The following ADAMTS6 variants were observed in gnomAD, a reference collection of about 807,000 sequenced individuals.
ADAMTS6 encodes the protein ADAM metallopeptidase with thrombospondin type 1 motif 6.
Under a neutral mutation model 144.3 loss-of-function variants are expected in ADAMTS6, and 23 were observed. The ratio of observed to expected loss-of-function variants is 0.16; its 90% CI spans 0.11 to 0.23. The LOEUF is 0.23. ADAMTS6 is among the 10% of genes least tolerant of loss of function. ADAMTS6 has a pLI of 1.00. For synonymous variants in ADAMTS6, 444 were observed against 457.5 expected, an observed-to-expected ratio of 0.97 and a Z score of 0.38; for missense variants, 999 against 1,379.6, an observed-to-expected ratio of 0.72 and a Z score of 4.37.
At chr5:65,296,444 CT>C (rs1329545568) in intron 10 of ADAMTS6, among the ~76,000 whole-genome samples, 10 of 152,260 alleles carry the variant, frequency 6.6e-5, no homozygotes, top group African/African-American at 2.4e-4. Context: ...CCTTTTCCCC[CT>C]ATATGTAATT....
chr5:65,200,760 AG>A lies in ADAMTS6; in HGVS notation c.2576-3610del, dbSNP rs532824784. ...CAATCCTTCCTCCATGCTTAAAAAA[AG>A]TAATGGCTTCATATTACGAAAGTTA... On this transcript the variant is annotated intron_variant, in intron 20 of 24. Transcript: ENST00000381055. Among the ~76,000 whole-genome samples the A allele has an allele frequency of 4.3e-3, 651 of 152,310 alleles. 5 individuals carry two copies. Among genetic ancestry groups the A allele is most frequent in the African/African-American group, 0.015 (612 of 41,586 alleles).
rs1224489597 is a variant in ADAMTS6 at position 65,337,640 on chromosome 5, T to C, written c.1074-3555A>G. ...TATAACTCTCAGTCGTCTCCCATCTTATATTTAAATATCATTTTTAAATTT... is the reference window on the plus strand; with the variant it reads ...TATAACTCTCAGTCGTCTCCCATCTCATATTTAAATATCATTTTTAAATTT... On this transcript the variant is annotated intron_variant, in intron 7 of 24. Transcript: ENST00000381055. Among the ~76,000 whole-genome samples, 3 of 152,164 alleles carry C rather than the reference T, an allele frequency of 2.0e-5. 1 individual carries two copies.
intron 7 of ADAMTS6, among the ~76,000 whole-genome samples, chr5:65,337,809 G>T (rs1340100979): frequency 6.6e-6 from 1 of 151,982 alleles, no homozygotes; most frequent in Non-Finnish European, 1.5e-5. Flanking sequence ...TTTTCCTCCA[G>T]ATCCAAGCCA....
At chr5:65,238,085 CAAA>C in intron 15 of ADAMTS6, among the ~76,000 whole-genome samples, 1 of 135,044 alleles carries the variant, frequency 7.4e-6, no homozygotes, top group South Asian at 2.4e-4. Flanking sequence ...GACTCTCTCT[CAAA>C]AAAAAAAAAA....
intron 7 of ADAMTS6, among the ~76,000 whole-genome samples, chr5:65,356,136 C>T (rs1258111946): frequency 6.6e-6 from 1 of 151,572 alleles, no homozygotes; most frequent in East Asian, 1.9e-4. Flanking sequence ...AAAAAATGTT[C>T]CCCATTTTGA....
At chr5:65,174,891 C>G (rs938663284) in intron 22 of ADAMTS6, among the ~76,000 whole-genome samples, 1 of 152,052 alleles carries the variant, frequency 6.6e-6, no homozygotes, top group Non-Finnish European at 1.5e-5. Flanking sequence ...TGAAAAATTT[C>G]AAGGAAGGAT....
chr5:65,384,939 A>C (rs180931369), intron 7 of ADAMTS6, among the ~76,000 whole-genome samples: 52 of 152,332 alleles, frequency 3.4e-4, no homozygotes, highest in African/African-American at 1.0e-3. Context: ...GTGTCTGATA[A>C]GGGTTTTCTG....
At chr5:65,166,280 A>G (rs1753148048) in intron 24 of ADAMTS6, among the ~76,000 whole-genome samples, 1 of 117,888 alleles carries the variant, frequency 8.5e-6, no homozygotes, top group East Asian at 2.5e-4. Context: ...CAAAAGAGAC[A>G]AAGAAGGCCA....
intron 6 of ADAMTS6, 43 bp from the exon 7 acceptor site, chr5:65,451,663 C>T (rs1580739103): frequency 6.2e-7 from 1 of 1,604,470 alleles, no homozygotes; most frequent in Non-Finnish European, 8.5e-7. Flanking sequence ...AAACAAATTA[C>T]TAAGGTCAGT....
intron 24 of ADAMTS6, among the ~76,000 whole-genome samples, chr5:65,162,296 C>T (rs988328678): frequency 6.6e-6 from 1 of 152,102 alleles, no homozygotes; most frequent in East Asian, 1.9e-4. Flanking sequence ...TTGTTTTAGG[C>T]ATGTCAAAAG....
intron 24 of ADAMTS6, among the ~76,000 whole-genome samples, chr5:65,160,270 T>G (rs934484772): frequency 6.6e-6 from 1 of 151,884 alleles, no homozygotes; most frequent in Non-Finnish European, 1.5e-5. Flanking sequence ...CCTCTTCCAC[T>G]CTCCTGCATT....
intron 22 of ADAMTS6, among the ~76,000 whole-genome samples, chr5:65,176,126 A>AGG (rs758364831): frequency 1.0e-3 from 155 of 151,120 alleles, no homozygotes; most frequent in Non-Finnish European, 1.4e-3. Context: ...AGGGAAAAAA[A>AGG]GGGGGGGGCA....
chr5:65,247,885 C>T (rs1439483436), intron 14 of ADAMTS6, among the ~76,000 whole-genome samples: 1 of 152,130 alleles, frequency 6.6e-6, no homozygotes, highest in East Asian at 1.9e-4. Context: ...TTCAACACTT[C>T]CAAAATTTCA....
chr5:65,313,813 A>C (rs1344491773), intron 9 of ADAMTS6, among the ~76,000 whole-genome samples: 1 of 152,132 alleles, frequency 6.6e-6, no homozygotes, highest in Non-Finnish European at 1.5e-5. Flanking sequence ...AATAGTATAA[A>C]GACTTAAAGG....
chr5:65,426,154 C>A (rs1756509290), intron 7 of ADAMTS6, among the ~76,000 whole-genome samples: 1 of 151,850 alleles, frequency 6.6e-6, no homozygotes. Context: ...TCAAGCAATT[C>A]TCCTGCCTCG....
chr5:65,352,780 A>G (rs2150091887), intron 7 of ADAMTS6, among the ~76,000 whole-genome samples: 1 of 152,218 alleles, frequency 6.6e-6, no homozygotes, highest in African/African-American at 2.4e-5. Flanking sequence ...CTTCCAATTA[A>G]AAAGTAAGAT....
chr5:65,157,888 C>G (rs1468442247), intron 24 of ADAMTS6, among the ~76,000 whole-genome samples: 1 of 152,148 alleles, frequency 6.6e-6, no homozygotes, highest in East Asian at 1.9e-4. Flanking sequence ...GAACAGTACA[C>G]CAGCTTATTT....
At chr5:65,225,384 G>A (rs764123490) in intron 16 of ADAMTS6, among the ~76,000 whole-genome samples, 5 of 152,078 alleles carry the variant, frequency 3.3e-5, no homozygotes, top group Non-Finnish European at 7.4e-5. Flanking sequence ...TAAGTAAAAT[G>A]GTGCTTTTTA....
intron 7 of ADAMTS6, among the ~76,000 whole-genome samples, chr5:65,389,446 A>T (rs1752733755): frequency 6.6e-6 from 1 of 152,152 alleles, no homozygotes; most frequent in South Asian, 2.1e-4. Context: ...TAAAATTATA[A>T]TTTATTATGA....
Sources: allele counts gnomAD v4.1 joint callset (sites outside exome capture counted in the v4.1 genomes callset), GRCh38; gene constraint gnomAD v4.1.1; transcripts MANE v1.5; gene names NCBI Gene and HGNC (gene_info 2026-07-23, HGNC 2026-07-21).